Variants in ADCY3 observed in about 807,000 individuals in gnomAD.
ADCY3 encodes adenylate cyclase 3.
In ADCY3, 70 loss-of-function variants were observed where a neutral mutation model predicts 119.4. The ratio of observed to expected loss-of-function variants is 0.59; its 90% CI spans 0.48 to 0.72. The LOEUF is 0.72. Among genes scored for constraint, ADCY3 ranks in the 30% least tolerant of loss-of-function variants. The pLI is 0.00. For synonymous variants in ADCY3, 672 were observed against 621.4 expected, an observed-to-expected ratio of 1.08 and a Z score of -1.21; for missense variants, 1,238 against 1,541.6, an observed-to-expected ratio of 0.80 and a Z score of 3.30.
At chr2:24,821,014 G>C in intron 20 of ADCY3, 166 bp from the exon 21 acceptor site, 1 of 948,324 alleles carries the variant, frequency 1.1e-6, no homozygotes, top group Non-Finnish European at 1.5e-6. Flanking sequence ...CACATCTCCT[G>C]TTTATCCGTG....
chr2:24,883,454 G>A (rs567946935), intron 2 of ADCY3, among the ~76,000 whole-genome samples: 66 of 152,320 alleles, frequency 4.3e-4, no homozygotes, highest in African/African-American at 1.5e-3. Context: ...GAAAGCTTGG[G>A]CTGGCCACAC....
At position 24,826,139 on chromosome 2, in the gene ADCY3, G is replaced by A. The variant is rs748070365; in HGVS notation, c.2496-13C>T. 32 of 1,613,026 alleles carry A rather than the reference G, an allele frequency of 2.0e-5. No homozygotes were observed. The highest frequency in any genetic ancestry group is 2.5e-5 in the Non-Finnish European group (30 of 1,179,298). ...CACCAGGGGCAGCCTGCTGGGCAGA[G>A]CGTGTGCAACTGAAAGGGCTGTCAT... On this transcript the variant is annotated splice_polypyrimidine_tract_variant and intron_variant, in intron 15 of 21. Coordinates refer to ENST00000679454, the MANE Select transcript of ADCY3 (RefSeq NM_004036.5).
chr2:24,888,815 C>G (rs1677359414), intron 2 of ADCY3, among the ~76,000 whole-genome samples: 1 of 152,214 alleles, frequency 6.6e-6, no homozygotes, highest in Admixed American at 6.5e-5. Context: ...TTGAGATCAG[C>G]CTGACCAATA....
chr2:24,911,876 G>C (rs1208353059), intron 2 of ADCY3, among the ~76,000 whole-genome samples: 2 of 152,146 alleles, frequency 1.3e-5, no homozygotes, highest in Admixed American at 6.6e-5. Context: ...ACTCCAGTGA[G>C]AAGGAACTCC....
At chr2:24,879,069 A>C (rs530016518) in intron 2 of ADCY3, among the ~76,000 whole-genome samples, 1 of 152,178 alleles carries the variant, frequency 6.6e-6, no homozygotes, top group Non-Finnish European at 1.5e-5. Context: ...CCTCGCAGTC[A>C]CATAGACCTG....
intron 2 of ADCY3, among the ~76,000 whole-genome samples, chr2:24,907,126 T>G (rs1662948748): frequency 6.6e-6 from 1 of 151,242 alleles, no homozygotes; most frequent in African/African-American, 2.4e-5. Flanking sequence ...CTCAAAAAAA[T>G]AAAAATAAAA....
Position 24,824,590 on chromosome 2 carries a change from G to A in ADCY3, c.2578-54C>T. 6 of 1,588,210 alleles carry A rather than the reference G, an allele frequency of 3.8e-6. No homozygotes were observed. The South Asian group carries it at 5.6e-5, about 15-fold the overall frequency. ...GCTCTAAGCTGGCCACTGGATAGAAGGATGAAAAACAGGAATGGCCAGGCG... is the reference window on the plus strand; with the variant it reads ...GCTCTAAGCTGGCCACTGGATAGAAAGATGAAAAACAGGAATGGCCAGGCG... On this transcript the variant is annotated intron_variant, in intron 16 of 21. Coordinates refer to ENST00000679454, the MANE Select transcript of ADCY3 (RefSeq NM_004036.5).
At chr2:24,866,004 G>A (rs567226303) in intron 3 of ADCY3, among the ~76,000 whole-genome samples, 37 of 152,258 alleles carry the variant, frequency 2.4e-4, no homozygotes, top group African/African-American at 7.9e-4. Flanking sequence ...CTAAGACCCC[G>A]GGGAAAGAGA....
chr2:24,881,501 C>T (rs1018246064), intron 2 of ADCY3, among the ~76,000 whole-genome samples: 1 of 152,202 alleles, frequency 6.6e-6, no homozygotes, highest in Non-Finnish European at 1.5e-5. Context: ...GCAAAGGAGA[C>T]CCCCCTACAG....
chr2:24,827,482 T>G, intron 15 of ADCY3, 64 bp downstream of exon 15: 9 of 1,531,700 alleles, frequency 5.9e-6, no homozygotes, highest in Non-Finnish European at 8.0e-6. Flanking sequence ...TTGGGCCTGT[T>G]ATATTCCTGT....
Position 24,828,114 on chromosome 2 carries a change from C to G in ADCY3, c.2220G>C (p.Gly740=). 6.2e-7 allele frequency: 1 copy of G among 1,614,130 alleles called. No homozygotes were observed. The highest frequency in any genetic ancestry group is 1.3e-5 in the African/African-American group (1 of 75,054). ...YYTGPSNATA[G]METEGSCLEN... ...CCAGGCAGCTGCCCTCCGTTTCCAT[C>G]CCTGCCGTTGCATTGCTGGGTCCCG... The change falls in exon 14 of 22, where the codon GGG becomes GGC. Residue 740 remains glycine (G), a synonymous_variant. Coordinates refer to ENST00000679454, the MANE Select transcript of ADCY3 (RefSeq NM_004036.5).
At position 24,864,978 on chromosome 2, in the gene ADCY3, T is replaced by C. The variant is rs182913523; in HGVS notation, c.825+7592A>G. Among the ~76,000 whole-genome samples the C allele has an allele frequency of 5.3e-5, 8 of 152,360 alleles. No homozygotes were observed. In the East Asian group the frequency reaches 1.5e-3, roughly 29 times the overall value. On this transcript the variant is annotated intron_variant, in intron 3 of 21. Coordinates refer to ENST00000679454, the MANE Select transcript of ADCY3 (RefSeq NM_004036.5). ...CAGATACACTTGCACATATATACTA[T>C]GATATAATAAATACCGCTACAAGGA...
chr2:24,913,644 T>G (rs1409276026), intron 2 of ADCY3, among the ~76,000 whole-genome samples: 1 of 152,178 alleles, frequency 6.6e-6, no homozygotes, highest in Admixed American at 6.5e-5. Flanking sequence ...ATGCAACAGC[T>G]ACCTGCCGTC....
chr2:24,898,984 G>A lies in ADCY3; in HGVS notation c.675+19329C>T, dbSNP rs12713419. Among the ~76,000 whole-genome samples, 53,576 of 151,830 alleles carry A rather than the reference G, an allele frequency of 0.35. 9,639 individuals carry two copies. Among genetic ancestry groups the A allele is most frequent in the South Asian group, 0.42 (2,028 of 4,816 alleles). ...CTCCCTGTTCTCACCACACAACCAC[G>A]CACTCAATAGCCTCCAAACACTCCA... is the stretch of plus-strand genomic sequence containing the variant. On this transcript the variant is annotated intron_variant, in intron 2 of 21. Coordinates refer to ENST00000679454, the MANE Select transcript of ADCY3 (RefSeq NM_004036.5). This position sits in a 1 kb window ranked among gnomAD's most constrained non-coding sequence, Gnocchi z 4.3.
At position 24,845,197 on chromosome 2, in the gene ADCY3, T is replaced by C. The variant is rs896740960; in HGVS notation, c.826-2813A>G. Among the ~76,000 whole-genome samples the C allele has an allele frequency of 7.9e-5, 12 of 152,276 alleles. No individual in the cohort carries two copies. The East Asian group carries it at 9.6e-4, about 12-fold the overall frequency. ...AAATTGGTACCAGTAGAGTGGCACA[T>C]TGCTGAAAAGATACCCAAAAACGTG... On this transcript the variant is annotated intron_variant, in intron 3 of 21. Transcript: ENST00000679454.
chr2:24,897,704 CA>C (rs1678444128), intron 2 of ADCY3, among the ~76,000 whole-genome samples: 1 of 152,176 alleles, frequency 6.6e-6, no homozygotes, highest in Non-Finnish European at 1.5e-5. Flanking sequence ...TTCACACTCA[CA>C]CGGGAAGTTC....
chr2:24,866,586 G>GA (rs1259600898), intron 3 of ADCY3, among the ~76,000 whole-genome samples: 61 of 82,656 alleles, frequency 7.4e-4, no homozygotes, highest in African/African-American at 2.0e-3. Flanking sequence ...AAAAAAAAAA[G>GA]AAAAAAAAAA....
At chr2:24,915,132 G>A (rs1366475982) in intron 2 of ADCY3, among the ~76,000 whole-genome samples, 4 of 152,204 alleles carry the variant, frequency 2.6e-5, no homozygotes, top group Non-Finnish European at 5.9e-5. Flanking sequence ...TCTTCATGCT[G>A]CCAGTGACAG....
In ADCY3 at chr2:24,834,411, ACACCTGCCC is replaced by A; in HGVS notation, c.1967+65_1967+73del. The A allele has an allele frequency of 1.6e-6, 2 of 1,237,220 alleles. No homozygotes were observed. Among genetic ancestry groups the A allele is most frequent in the Non-Finnish European group, 1.1e-6 (1 of 885,546 alleles). The allele number at this position is 1,237,220 out of a possible 1,614,324, so 76.6% of individuals were successfully genotyped here. A position where few individuals can be genotyped will look rare whatever the true frequency, so the allele number is the denominator to read the frequency against. On this transcript the variant is annotated intron_variant, in intron 11 of 21. Transcript: ENST00000679454. The surrounding 1 kb of genome is among the most constrained non-coding windows in gnomAD (Gnocchi z 4.2). ...TCCCCAATGTCAGGCTCCCGCTGAG[ACACCTGCCC>A]CCGCCCCCCGCCCGGCACCACCGCA...
Sources: gnomAD v4.1 joint callset for allele counts (sites outside exome capture counted in the v4.1 genomes callset) on GRCh38, gnomAD v4.1.1 for gene constraint, Gnocchi (gnomAD v3.1) non-coding constraint, MANE v1.5 for transcripts, NCBI Gene and HGNC (gene_info 2026-07-23, HGNC 2026-07-21) for gene names.